SCAF11: variants seen among roughly 807,000 people sequenced by gnomAD.
The protein encoded by SCAF11 is SR-related CTD associated factor 11, also known as protein SCAF11.
A neutral mutation model predicts 140.5 loss-of-function variants in SCAF11; 47 were observed. The observed-to-expected ratio is 0.33, with a 90% CI of 0.26 to 0.43. The LOEUF (loss-of-function observed/expected upper bound fraction) is 0.43. SCAF11 is among the 20% of genes least tolerant of loss of function. The pLI, the probability that SCAF11 is intolerant of heterozygous loss-of-function variation, is 1.00. For missense variants in SCAF11, 1,645 were observed against 1,705.1 expected, an observed-to-expected ratio of 0.96 and a Z score of 0.62; for synonymous variants, 557 against 579.4, an observed-to-expected ratio of 0.96 and a Z score of 0.55.
intron 1 of SCAF11, chr12:45,974,529 T>C (rs980066232): frequency 1.0e-5 from 2 of 192,850 alleles, no homozygotes; most frequent in African/African-American, 4.7e-5. Flanking sequence ...TGTTCACATC[T>C]TCAGCAAGAG....
At chr12:45,924,076 C>T (rs1259253612) in intron 12 of SCAF11, among the ~76,000 whole-genome samples, 2 of 152,112 alleles carry the variant, frequency 1.3e-5, no homozygotes, top group Non-Finnish European at 2.9e-5. Flanking sequence ...ATCCTGACCT[C>T]GTGATTCACC....
intron 1 of SCAF11, among the ~76,000 whole-genome samples, chr12:45,969,589 A>T (rs1946027916): frequency 6.6e-6 from 1 of 152,258 alleles, no homozygotes; most frequent in South Asian, 2.1e-4. Context: ...TCTTATTGTC[A>T]GAAACAACAG....
chr12:45,926,624 T>C lies in SCAF11; in HGVS notation c.3077A>G (p.Glu1026Gly), dbSNP rs748302496. The C allele has an allele frequency of 6.2e-6, 10 of 1,613,994 alleles. No individual in the cohort carries two copies. Among genetic ancestry groups the C allele is most frequent in the African/African-American group, 1.3e-5 (1 of 74,930 alleles). Residue 1026 changes from glutamate (E) to glycine (G), a missense_variant, in exon 11 of 15, where the codon GAA becomes GGA. Physicochemically the swap from Glu to Gly is moderately conservative, Grantham distance 98. Around this residue, in one of 2 missense-constraint regions of SCAF11, gnomAD observed 1,582 missense variants for 1,609.2 expected, o/e 0.98. Transcript: ENST00000369367. ...HRNDCPNWIT[E>G]KINSGPDPRT... ...TGGATCAGGCCCAGAGTTTATTTTT[T>C]CTGTTATCCAATTGGGACAGTCATT...
At chr12:45,951,906 G>C (rs1307753937) in intron 3 of SCAF11, among the ~76,000 whole-genome samples, 179 bp from the exon 4 acceptor site, 1 of 152,020 alleles carries the variant, frequency 6.6e-6, no homozygotes, top group African/African-American at 2.4e-5. Flanking sequence ...CTGTATGCTA[G>C]ATAGTTGGAA....
chr12:45,924,319 G>A (rs1232790734), intron 12 of SCAF11, among the ~76,000 whole-genome samples: 3 of 152,098 alleles, frequency 2.0e-5, no homozygotes, highest in African/African-American at 4.8e-5. Flanking sequence ...GTGTTTGTCT[G>A]AACAAGACAA....
intron 1 of SCAF11, among the ~76,000 whole-genome samples, chr12:45,972,427 G>A (rs948996395): frequency 6.6e-6 from 1 of 151,540 alleles, no homozygotes; most frequent in African/African-American, 2.4e-5. Context: ...ACAAAAAATA[G>A]AAAATAAAGT....
intron 3 of SCAF11, among the ~76,000 whole-genome samples, chr12:45,958,824 T>G (rs1945760064): frequency 6.6e-6 from 1 of 152,204 alleles, no homozygotes; most frequent in Admixed American, 6.5e-5. Context: ...ACATAGCTTT[T>G]GTTTAAATAA....
chr12:45,939,068 T>G (rs989996584), intron 6 of SCAF11, among the ~76,000 whole-genome samples: 1 of 150,658 alleles, frequency 6.6e-6, no homozygotes, highest in Non-Finnish European at 1.5e-5. Context: ...AACCTTTCAC[T>G]ATACCTCTAG....
At chr12:45,989,222 G>A (rs1230455405) in intron 1 of SCAF11, among the ~76,000 whole-genome samples, 2 of 152,150 alleles carry the variant, frequency 1.3e-5, no homozygotes, top group African/African-American at 2.4e-5. Flanking sequence ...GTGGTGATAT[G>A]TAGAAATTAA....
At chr12:45,974,813 T>C (rs571633982) in intron 1 of SCAF11, 2 of 154,634 alleles carry the variant, frequency 1.3e-5, no homozygotes, top group African/African-American at 4.8e-5. Context: ...ATGTTCTTTA[T>C]GGCATCTAGA....
Position 45,989,818 on chromosome 12 carries a change from CGTAGTAAA to C in SCAF11, c.-22+527_-22+534del, listed in dbSNP as rs148224479. Among the ~76,000 whole-genome samples the C allele has an allele frequency of 8.5e-3, 1,302 of 152,328 alleles. 15 individuals carry two copies. The highest frequency in any genetic ancestry group is 0.028 in the African/African-American group (1,153 of 41,578). On this transcript the variant is annotated intron_variant, in intron 1 of 14. Coordinates refer to ENST00000369367, the MANE Select transcript of SCAF11 (RefSeq NM_004719.3). ...CATTCGCGCACTCGAGAGGTCACGG[CGTAGTAAA>C]GTTTGGTTTCACTAGCGGGCTTGGA...
intron 3 of SCAF11, chr12:45,961,184 C>T (rs1945816555): frequency 1.7e-6 from 1 of 596,150 alleles, no homozygotes; most frequent in East Asian, 2.8e-5. Context: ...GCCTCTTAAA[C>T]TATGAGATCT....
At position 45,926,640 on chromosome 12, in the gene SCAF11, G is replaced by A. The variant is rs1944868881; in HGVS notation, c.3061C>T (p.Pro1021Ser). ...TTTATTTTTTCTGTTATCCAATTGGGACAGTCATTTCTATGTTTGTCAGCA... is the reference window on the plus strand; with the variant it reads ...TTTATTTTTTCTGTTATCCAATTGGAACAGTCATTTCTATGTTTGTCAGCA... ...NSADKHRNDC[P>S]NWITEKINSG... Residue 1021 changes from proline (P) to serine (S), a missense_variant, in exon 11 of 15, where the codon CCC becomes TCC. Physicochemically the swap from Pro to Ser is moderately conservative, Grantham distance 74 (BLOSUM62 -1). Around this residue, in one of 2 missense-constraint regions of SCAF11, gnomAD observed 1,582 missense variants for 1,609.2 expected, o/e 0.98. Transcript: ENST00000369367. The A allele has an allele frequency of 1.1e-5, 17 of 1,613,784 alleles. No individual in the cohort carries two copies. Among genetic ancestry groups the A allele is most frequent in the Non-Finnish European group, 1.4e-5 (17 of 1,180,000 alleles).
rs776267466 is a variant in SCAF11 at position 45,948,494 on chromosome 12, T to C, written c.341A>G (p.Asn114Ser). The change falls in exon 5 of 15, where the codon AAT (asparagine) becomes AGT (serine). Residue 114 changes from asparagine (N) to serine (S), a missense_variant. By Grantham distance (46) the Asn-to-Ser change is conservative (BLOSUM62 1). This residue lies in a region of SCAF11 where 1,582 missense variants were observed against 1,609.2 expected (regional missense o/e 0.98). Coordinates refer to ENST00000369367, the MANE Select transcript of SCAF11 (RefSeq NM_004719.3). ...KQLRETKDKK[N>S]ENSFEKQVSC... ...GACCTGTTTCTCAAATGAGTTTTCATTTTTCTTGTCTTTTGTTTCTCTCAG... is the reference window on the plus strand; with the variant it reads ...GACCTGTTTCTCAAATGAGTTTTCACTTTTCTTGTCTTTTGTTTCTCTCAG... 1.2e-6 allele frequency: 2 copies of C among 1,612,012 alleles called. No individual in the cohort carries two copies. Among genetic ancestry groups the C allele is most frequent in the South Asian group, 2.2e-5 (2 of 90,858 alleles).
intron 6 of SCAF11, among the ~76,000 whole-genome samples, chr12:45,942,182 T>C (rs888662642): frequency 3.3e-5 from 5 of 152,242 alleles, no homozygotes; most frequent in African/African-American, 1.2e-4. Flanking sequence ...GTAGTCAAGT[T>C]CTGAGGCAGT....
At chr12:45,933,420 T>C (rs1241377610) in intron 8 of SCAF11, among the ~76,000 whole-genome samples, 188 bp from the exon 9 acceptor site, 1 of 152,186 alleles carries the variant, frequency 6.6e-6, no homozygotes, top group Non-Finnish European at 1.5e-5. Flanking sequence ...ACAATTTTTA[T>C]ATTGCAAATC....
chr12:45,952,720 T>C lies in SCAF11; in HGVS notation c.220-993A>G, dbSNP rs78108275. On this transcript the variant is annotated intron_variant, in intron 3 of 14. Coordinates refer to ENST00000369367, the MANE Select transcript of SCAF11 (RefSeq NM_004719.3). ...TTTAAAGAATTTAAGATGAAATGTA[T>C]TTTCTATTAGGGTAGGAGGGAAAAC... Among the ~76,000 whole-genome samples the C allele has an allele frequency of 7.4e-3, 1,130 of 152,284 alleles. 6 individuals carry two copies. Among genetic ancestry groups the C allele is most frequent in the Non-Finnish European group, 0.01 (681 of 68,008 alleles).
chr12:45,989,111 G>T (rs1231394409), intron 1 of SCAF11, among the ~76,000 whole-genome samples: 2 of 152,128 alleles, frequency 1.3e-5, no homozygotes, highest in Admixed American at 1.3e-4. Context: ...TTTAGAAACA[G>T]ACTTGATTAC....
chr12:45,949,593 T>C (rs940017240), intron 4 of SCAF11, among the ~76,000 whole-genome samples: 1 of 151,980 alleles, frequency 6.6e-6, no homozygotes, highest in African/African-American at 2.4e-5. Flanking sequence ...AGAAGAAACA[T>C]ATTTAAGACA....
Sources: gnomAD v4.1 joint callset for allele counts (sites outside exome capture counted in the v4.1 genomes callset) on GRCh38, gnomAD v4.1.1 for gene constraint, gnomAD v4.1.1 regional missense constraint, MANE v1.5 for transcripts, NCBI Gene and HGNC (gene_info 2026-07-23, HGNC 2026-07-21) for gene names.